Variants in PSD3 observed in about 807,000 individuals in gnomAD.
The protein encoded by PSD3 is PH and SEC7 domain-containing protein 3.
A neutral mutation model predicts 105.5 loss-of-function variants in PSD3; 49 were observed. The observed-to-expected ratio is 0.46, with a 90% CI of 0.37 to 0.59. The LOEUF (loss-of-function observed/expected upper bound fraction) is 0.59, where lower values mean the gene tolerates loss of function less well. PSD3 is among the 20% of genes least tolerant of loss of function. PSD3 has a pLI of 0.00. For missense variants in PSD3, 1,561 were observed against 1,263.8 expected (o/e 1.24, Z -3.57); for synonymous variants, 557 against 457.8 (o/e 1.22, Z -2.77).
intron 15 of PSD3, 111 bp downstream of exon 15, chr8:18,556,097 CA>C (rs1344905482): frequency 2.3e-6 from 3 of 1,304,850 alleles, no homozygotes; most frequent in Non-Finnish European, 3.1e-6. Context: ...AAATTAGAGC[CA>C]GGGGCAAGAC....
At chr8:18,575,711 A>G (rs7814491) in intron 12 of PSD3, among the ~76,000 whole-genome samples, 13,208 of 152,248 alleles carry the variant, frequency 0.087, 820 homozygotes, top group African/African-American at 0.17. Flanking sequence ...TATACCGAGG[A>G]TAAAAACAAT....
chr8:18,739,316 T>C (rs1295466783), intron 9 of PSD3, among the ~76,000 whole-genome samples: 39 of 152,016 alleles, frequency 2.6e-4, no homozygotes, highest in Non-Finnish European at 8.8e-5. Flanking sequence ...AGGGAAAAAA[T>C]AGGTGTTCCC....
At chr8:18,781,142 T>G (rs1248114680) in intron 8 of PSD3, among the ~76,000 whole-genome samples, 1 of 152,212 alleles carries the variant, frequency 6.6e-6, no homozygotes, top group Non-Finnish European at 1.5e-5. Context: ...TCCACCACGT[T>G]GATTTCTTAT....
chr8:19,037,731 A>G (rs1019290905), intron 1 of PSD3, among the ~76,000 whole-genome samples: 10 of 152,038 alleles, frequency 6.6e-5, no homozygotes, highest in Admixed American at 6.6e-5. Context: ...GGGCCTTCAC[A>G]CTCAGAACAG....
At chr8:18,993,404 T>C (rs1328572224) in intron 1 of PSD3, among the ~76,000 whole-genome samples, 5 of 152,088 alleles carry the variant, frequency 3.3e-5, no homozygotes, top group South Asian at 2.1e-4. Context: ...CAGAGTCTCA[T>C]TGTTTCAGAG....
chr8:18,551,054 A>G (rs1800739971), intron 15 of PSD3, among the ~76,000 whole-genome samples: 2 of 152,212 alleles, frequency 1.3e-5, no homozygotes, highest in South Asian at 2.1e-4. Context: ...GACCACTTGC[A>G]GCTTAATTGC....
intron 2 of PSD3, among the ~76,000 whole-genome samples, chr8:18,909,268 T>C (rs539648062): frequency 2.0e-5 from 3 of 152,188 alleles, no homozygotes; most frequent in African/African-American, 7.2e-5. Context: ...AAATGAACGT[T>C]ATCTCTCCCT....
intron 9 of PSD3, among the ~76,000 whole-genome samples, chr8:18,689,629 T>G (rs1229641217): frequency 6.6e-6 from 1 of 152,194 alleles, no homozygotes; most frequent in African/African-American, 2.4e-5. Flanking sequence ...AAGGCTCTCA[T>G]GACTTTCCCT....
intron 11 of PSD3, among the ~76,000 whole-genome samples, chr8:18,619,147 A>C (rs1485189399): frequency 1.3e-5 from 2 of 152,048 alleles, no homozygotes; most frequent in African/African-American, 4.8e-5. Flanking sequence ...AAGCCCTCCA[A>C]CCAACTGCAT....
chr8:18,771,703 T>C lies in PSD3; in HGVS notation c.2083-6165A>G, dbSNP rs540178930. Among the ~76,000 whole-genome samples, 19 of 152,356 alleles carry C rather than the reference T, an allele frequency of 1.2e-4. No individual in the cohort carries two copies. In the South Asian group the frequency reaches 1.9e-3, roughly 15 times the overall value. On this transcript the variant is annotated intron_variant, in intron 8 of 15. Coordinates refer to ENST00000327040, the MANE Select transcript of PSD3 (RefSeq NM_015310.4). ...TGATTATACTGCAATGATCTAGCTG[T>C]TGAGCTTTATATCAGCATAACTCTT...
At chr8:18,644,160 A>G (rs1348525474) in intron 10 of PSD3, among the ~76,000 whole-genome samples, 2 of 152,236 alleles carry the variant, frequency 1.3e-5, no homozygotes, top group Non-Finnish European at 2.9e-5. Flanking sequence ...CCATAACAAT[A>G]TCTTTGCAAA....
At chr8:19,018,135 A>G (rs577565588), upstream of PSD3, among the ~76,000 whole-genome samples, 63 of 152,284 alleles carry the variant, frequency 4.1e-4, no homozygotes, top group South Asian at 0.012. Context: ...GACATTTTCT[A>G]TGGGTTGAAT....
chr8:18,671,752 C>CT, intron 9 of PSD3, among the ~76,000 whole-genome samples: 1 of 152,172 alleles, frequency 6.6e-6, no homozygotes, highest in South Asian at 2.1e-4. Flanking sequence ...CTGCCTCAGC[C>CT]TCCCGAATAG....
At chr8:18,585,115 A>G (rs934510957) in intron 12 of PSD3, among the ~76,000 whole-genome samples, 3 of 152,120 alleles carry the variant, frequency 2.0e-5, no homozygotes, top group Non-Finnish European at 4.4e-5. Context: ...TAGTGCTAGG[A>G]GGATTTATGG....
intron 9 of PSD3, among the ~76,000 whole-genome samples, chr8:18,717,221 C>G (rs532725319): frequency 6.6e-5 from 10 of 152,122 alleles, no homozygotes; most frequent in African/African-American, 2.2e-4. Flanking sequence ...AACCAAATTA[C>G]GTTTATTTTA....
At chr8:19,081,605 T>G (rs1434619760) in intron 1 of PSD3, among the ~76,000 whole-genome samples, 2 of 152,168 alleles carry the variant, frequency 1.3e-5, no homozygotes, top group Non-Finnish European at 2.9e-5. Flanking sequence ...ACGGAAGCCA[T>G]CCAGGTCACA....
At chr8:18,996,430 C>T (rs11988880) in intron 1 of PSD3, among the ~76,000 whole-genome samples, 31,847 of 151,574 alleles carry the variant, frequency 0.21, 3,804 homozygotes, top group African/African-American at 0.29. Flanking sequence ...ATTTATTTAA[C>T]GGCTCAGACA....
At chr8:19,006,034 C>T (rs1194735222) in intron 1 of PSD3, among the ~76,000 whole-genome samples, 1 of 151,758 alleles carries the variant, frequency 6.6e-6, no homozygotes, top group Non-Finnish European at 1.5e-5. Flanking sequence ...AGGCCAGGTG[C>T]GGTGGCTCCC....
chr8:19,073,379 C>T (rs1266103904), intron 1 of PSD3, among the ~76,000 whole-genome samples: 2 of 151,906 alleles, frequency 1.3e-5, no homozygotes, highest in Admixed American at 6.5e-5. Context: ...GGAGAAAGCC[C>T]ATCTCTACCA....
Sources: gnomAD v4.1 joint callset for allele counts (sites outside exome capture counted in the v4.1 genomes callset) on GRCh38, gnomAD v4.1.1 for gene constraint, MANE v1.5 for transcripts, NCBI Gene and HGNC (gene_info 2026-07-23, HGNC 2026-07-21) for gene names.